The following UAP1 variants were observed in gnomAD, a reference collection of about 807,000 sequenced individuals.
UAP1 encodes the protein UDP-N-acetylhexosamine pyrophosphorylase.
Under a neutral mutation model 58.5 loss-of-function variants are expected in UAP1, and 25 were observed. The ratio of observed to expected loss-of-function variants is 0.43; its 90% CI spans 0.31 to 0.60. UAP1 has a LOEUF of 0.60. Among genes scored for constraint, UAP1 ranks in the 20% least tolerant of loss-of-function variants. The pLI is 0.11. For synonymous variants in UAP1, 208 were observed against 213.0 expected, an observed-to-expected ratio of 0.98 and a Z score of 0.21; for missense variants, 575 against 630.0, an observed-to-expected ratio of 0.91 and a Z score of 0.93.
chr1:162,577,658 C>G (rs1276500146), intron 3 of UAP1, among the ~76,000 whole-genome samples: 2 of 151,510 alleles, frequency 1.3e-5, no homozygotes, highest in South Asian at 2.1e-4. Flanking sequence ...TGTCCCCAGG[C>G]TGGAGTGCAG....
intron 3 of UAP1, among the ~76,000 whole-genome samples, chr1:162,578,260 T>A (rs1654336934): frequency 6.6e-6 from 1 of 152,110 alleles, no homozygotes; most frequent in Admixed American, 6.6e-5. Flanking sequence ...CAGCCTTTGG[T>A]CCAAGCCATA....
chr1:162,574,686 A>G (rs560298795), intron 2 of UAP1, among the ~76,000 whole-genome samples: 3 of 152,310 alleles, frequency 2.0e-5, no homozygotes, highest in East Asian at 1.9e-4. Flanking sequence ...CTAGCTTGCC[A>G]GAGACCCAAT....
intron 5 of UAP1, among the ~76,000 whole-genome samples, chr1:162,583,015 T>A (rs1048916822): frequency 6.6e-6 from 1 of 151,834 alleles, no homozygotes; most frequent in Non-Finnish European, 1.5e-5. Flanking sequence ...ACTCACTATG[T>A]CATCTAGGCT....
chr1:162,589,432 C>T (rs75814949), intron 7 of UAP1, among the ~76,000 whole-genome samples: 3,369 of 149,556 alleles, frequency 0.023, 119 homozygotes, highest in African/African-American at 0.078. Context: ...GGATTATAGG[C>T]TTGAGCCACT....
At chr1:162,588,782 C>G in exon 7 of UAP1, 2 of 1,611,912 alleles carry the variant, frequency 1.2e-6, no homozygotes, top group East Asian at 4.5e-5. Context: ...CCAGACAAAC[C>G]CAATGGAATA....
chr1:162,571,043 C>T (rs1409669735), intron 2 of UAP1, among the ~76,000 whole-genome samples: 1 of 151,052 alleles, frequency 6.6e-6, no homozygotes, highest in Non-Finnish European at 1.5e-5. Context: ...ATGCATGACT[C>T]TCCAAGGAGA....
chr1:162,566,780 C>T (rs2101731359), intron 2 of UAP1, among the ~76,000 whole-genome samples: 1 of 152,240 alleles, frequency 6.6e-6, no homozygotes, highest in South Asian at 2.1e-4. Context: ...GCATGCACTA[C>T]CACGCCTGGC....
At chr1:162,572,985 G>A (rs975200315) in intron 2 of UAP1, among the ~76,000 whole-genome samples, 2 of 152,184 alleles carry the variant, frequency 1.3e-5, no homozygotes. Flanking sequence ...ACAATGCTTT[G>A]TAGGTGACAG....
chr1:162,583,124 A>C (rs1654694947), intron 5 of UAP1, among the ~76,000 whole-genome samples: 2 of 135,976 alleles, frequency 1.5e-5, no homozygotes, highest in African/African-American at 5.5e-5. Flanking sequence ...TTATAGGCAC[A>C]CGCCTTCCAC....
At chr1:162,592,315 G>C (rs2101832576) in intron 8 of UAP1, among the ~76,000 whole-genome samples, 1 of 152,294 alleles carries the variant, frequency 6.6e-6, no homozygotes, top group East Asian at 1.9e-4. Context: ...CTTGAACCCG[G>C]GAGGGAGAAG....
intron 9 of UAP1, among the ~76,000 whole-genome samples, chr1:162,596,011 C>T (rs1033043771): frequency 1.3e-4 from 19 of 151,700 alleles, no homozygotes; most frequent in African/African-American, 4.6e-4. Context: ...GCCTCCAAGC[C>T]CAGCTAATTT....
At chr1:162,597,112 C>G in intron 9 of UAP1, 1 of 152,036 alleles carries the variant, frequency 6.6e-6, no homozygotes, top group East Asian at 1.9e-4. Flanking sequence ...TTGGGTTGTA[C>G]AGAAAAAACA....
At chr1:162,580,106 A>G (rs530663583) in intron 4 of UAP1, among the ~76,000 whole-genome samples, 1 of 152,218 alleles carries the variant, frequency 6.6e-6, no homozygotes, top group South Asian at 2.1e-4. Flanking sequence ...ACCTCAAATG[A>G]TGTACCTGCC....
rs57732189 is a variant in UAP1, at chr1:162,577,017, A to G, written c.485+36A>G. 175 of 1,590,208 alleles carry G rather than the reference A, an allele frequency of 1.1e-4. 1 individual carries two copies. The African/African-American group carries it at 1.9e-3, about 17-fold the overall frequency. On this transcript the variant is annotated intron_variant, in intron 3 of 10. Transcript: ENST00000271469. The stretch of plus-strand genomic sequence containing the variant: ...TCTCATTATTGGAGTGTGTCTGAAC[A>G]TATATTGTTTTATAATATTCAAAAT...
chr1:162,588,627 G>A, intron 6 of UAP1, 66 bp from the exon 7 acceptor site: 1 of 1,539,298 alleles, frequency 6.5e-7, no homozygotes, highest in South Asian at 1.2e-5. Flanking sequence ...GCTCCTGAAT[G>A]TTGTAAGATT....
chr1:162,563,774 T>C (rs566098981), intron 1 of UAP1, among the ~76,000 whole-genome samples: 4 of 152,336 alleles, frequency 2.6e-5, no homozygotes, highest in Admixed American at 6.5e-5. Context: ...GTTATAGTAA[T>C]ATGTTTGTGT....
At chr1:162,572,882 C>T (rs1205554045) in intron 2 of UAP1, among the ~76,000 whole-genome samples, 1 of 152,100 alleles carries the variant, frequency 6.6e-6, no homozygotes, top group East Asian at 1.9e-4. Context: ...TATATATGTA[C>T]TATAGTCCTT....
chr1:162,570,250 A>T (rs369265653), intron 2 of UAP1, among the ~76,000 whole-genome samples: 10 of 152,290 alleles, frequency 6.6e-5, no homozygotes, highest in African/African-American at 2.4e-4. Context: ...AGAGATACTC[A>T]CTAGTAATAT....
At chr1:162,574,618 A>G (rs1163174942) in intron 2 of UAP1, among the ~76,000 whole-genome samples, 2 of 152,218 alleles carry the variant, frequency 1.3e-5, no homozygotes, top group African/African-American at 2.4e-5. Context: ...TAATGAAAGT[A>G]TGAAACTCAG....
Sources: allele counts gnomAD v4.1 joint callset (sites outside exome capture counted in the v4.1 genomes callset), GRCh38; gene constraint gnomAD v4.1.1; transcripts MANE v1.5; gene names NCBI Gene and HGNC (gene_info 2026-07-23, HGNC 2026-07-21).